The following AFAP1L2 variants were observed in gnomAD, a reference collection of about 807,000 sequenced individuals.
AFAP1L2 encodes the protein actin filament associated protein 1 like 2, also known as actin filament-associated protein 1-like 2.
In AFAP1L2, 46 loss-of-function variants were observed where a neutral mutation model predicts 99.3. That is an observed-to-expected ratio of 0.46 (90% CI 0.37 to 0.59). The LOEUF (loss-of-function observed/expected upper bound fraction) is 0.59, where lower values mean the gene tolerates loss of function less well. Among genes scored for constraint, AFAP1L2 ranks in the 20% least tolerant of loss-of-function variants. The pLI is 0.00. For missense variants in AFAP1L2, 959 were observed against 1,034.9 expected (o/e 0.93, Z 1.01); for synonymous variants, 397 against 419.1 (o/e 0.95, Z 0.64).
chr10:114,352,506 G>C (rs962957647), intron 1 of AFAP1L2, among the ~76,000 whole-genome samples: 1 of 43,810 alleles, frequency 2.3e-5, no homozygotes, highest in Non-Finnish European at 5.4e-5. Flanking sequence ...AAAAGCAACC[G>C]GAGATGTCCT....
At chr10:114,386,558 T>TC (rs146667658) in intron 1 of AFAP1L2, among the ~76,000 whole-genome samples, 1,579 of 152,228 alleles carry the variant, frequency 0.01, 27 homozygotes, top group African/African-American at 0.036. Context: ...TGGGGGCTCT[T>TC]CCCCCGGCAG....
At position 114,300,555 on chromosome 10, in the gene AFAP1L2, G is replaced by C. The variant is rs977002229; in HGVS notation, c.1678C>G (p.Pro560Ala). 1.2e-6 allele frequency: 2 copies of C among 1,614,050 alleles called. No individual in the cohort carries two copies. Among genetic ancestry groups the C allele is most frequent in the Non-Finnish European group, 1.7e-6 (2 of 1,180,014 alleles). The change falls in exon 14 of 19, where the codon CCG becomes GCG. Residue 560 changes from proline to alanine, a missense_variant. Physicochemically the swap from Pro to Ala is conservative, Grantham distance 27 (BLOSUM62 -1). Around this residue, in one of 2 missense-constraint regions of AFAP1L2, gnomAD observed 576 missense variants for 562.1 expected, o/e 1.02. Transcript: ENST00000304129. ...PSSAQAQASS[P>A]TLSCLDNATE... ...GCATTGTCCAGGCAGGACAACGTCG[G>C]GGAGGAGGCCTGGGCCTGTGCACTG...
Position 114,324,180 on chromosome 10 carries a change from T to C in AFAP1L2, c.316-919A>G, listed in dbSNP as rs114412198. On this transcript the variant is annotated intron_variant, in intron 4 of 18. Transcript: ENST00000304129. ...ATGGGGGAGAAAAAGAGGTAATTTG[T>C]TGCATTACTATTATGACAGACAGGT... Among the ~76,000 whole-genome samples the C allele has an allele frequency of 3.2e-3, 485 of 152,370 alleles. 1 individual carries two copies. Among genetic ancestry groups the C allele is most frequent in the African/African-American group, 0.011 (470 of 41,584 alleles).
chr10:114,323,020 T>C (rs148444690), intron 5 of AFAP1L2, 151 bp downstream of exon 5: 1 of 699,116 alleles, frequency 1.4e-6, no homozygotes, highest in African/African-American at 1.8e-5. Flanking sequence ...CAGTTCTCAA[T>C]TTGGACCATG....
At chr10:114,318,100 G>A (rs1420960986) in intron 5 of AFAP1L2, among the ~76,000 whole-genome samples, 1 of 152,216 alleles carries the variant, frequency 6.6e-6, no homozygotes. Flanking sequence ...AGCACTGCAA[G>A]CAACATAGAA....
intron 1 of AFAP1L2, chr10:114,363,153 C>A: frequency 1.0e-6 from 1 of 985,400 alleles, no homozygotes; most frequent in African/African-American, 1.7e-5. Context: ...ACATAAGCAG[C>A]AAACTGGGGA....
At chr10:114,403,924 G>A (rs779363118) in intron 1 of AFAP1L2, among the ~76,000 whole-genome samples, 27 of 152,332 alleles carry the variant, frequency 1.8e-4, no homozygotes, top group Non-Finnish European at 3.5e-4. Flanking sequence ...CAGGACGTTT[G>A]GGGAGGCCCC....
At chr10:114,388,080 T>C (rs2056724693) in intron 1 of AFAP1L2, among the ~76,000 whole-genome samples, 1 of 152,204 alleles carries the variant, frequency 6.6e-6, no homozygotes, top group South Asian at 2.1e-4. Flanking sequence ...TTTTAGGATA[T>C]GCTCAAATTT....
At chr10:114,303,071 G>A (rs1302204484) in intron 11 of AFAP1L2, among the ~76,000 whole-genome samples, 2 of 151,614 alleles carry the variant, frequency 1.3e-5, no homozygotes, top group African/African-American at 4.8e-5. Context: ...TTTTTCCAGG[G>A]GACAATGCAT....
intron 17 of AFAP1L2, 30 bp from the exon 18 acceptor site, chr10:114,297,130 A>C (rs1001595417): frequency 1.1e-5 from 17 of 1,612,680 alleles, no homozygotes; most frequent in African/African-American, 2.7e-5. Context: ...GCAAGGGCTG[A>C]GTCAAGGGGA....
chr10:114,359,456 G>A (rs1337225996), intron 1 of AFAP1L2, among the ~76,000 whole-genome samples: 1 of 152,190 alleles, frequency 6.6e-6, no homozygotes, highest in Non-Finnish European at 1.5e-5. Context: ...TGCGAAGGAG[G>A]CTGAAGGAAC....
chr10:114,369,377 C>T (rs974196258), intron 1 of AFAP1L2, among the ~76,000 whole-genome samples: 5 of 152,070 alleles, frequency 3.3e-5, no homozygotes, highest in Admixed American at 2.0e-4. Context: ...GGGCGGATCA[C>T]GAGGTCAGGA....
chr10:114,335,093 T>C (rs2047736158), intron 2 of AFAP1L2, among the ~76,000 whole-genome samples: 1 of 152,126 alleles, frequency 6.6e-6, no homozygotes, highest in Non-Finnish European at 1.5e-5. Context: ...CATCAACATA[T>C]ATAACAGCAA....
chr10:114,391,576 A>G (rs1388279802), intron 1 of AFAP1L2, among the ~76,000 whole-genome samples: 3 of 152,206 alleles, frequency 2.0e-5, no homozygotes, highest in Non-Finnish European at 4.4e-5. Context: ...TGCTGTGAAC[A>G]CCAAAAATAC....
intron 1 of AFAP1L2, among the ~76,000 whole-genome samples, chr10:114,362,678 G>A (rs2052605844): frequency 6.6e-6 from 1 of 152,112 alleles, no homozygotes; most frequent in African/African-American, 2.4e-5. Flanking sequence ...CATTTGTTAT[G>A]GTAGCCCCGG....
intron 4 of AFAP1L2, among the ~76,000 whole-genome samples, chr10:114,329,654 G>A (rs980102691): frequency 6.6e-6 from 1 of 152,224 alleles, no homozygotes. Context: ...AAAGCCATCA[G>A]CCAATGGATG....
intron 12 of AFAP1L2, 194 bp downstream of exon 12, chr10:114,302,145 C>T (rs2041307149): frequency 1.2e-6 from 1 of 819,010 alleles, no homozygotes; most frequent in African/African-American, 1.7e-5. Flanking sequence ...TGGCTCGGCT[C>T]CTTGCTCTTA....
downstream of AFAP1L2, chr10:114,290,357 G>A: frequency 6.4e-7 from 1 of 1,550,530 alleles, no homozygotes; most frequent in Non-Finnish European, 8.7e-7. Flanking sequence ...GGCCCCCACT[G>A]CGAGAACCGT....
Position 114,377,698 on chromosome 10 carries a change from C to T in AFAP1L2, c.16+26742G>A, listed in dbSNP as rs374898414. On this transcript the variant is annotated intron_variant, in intron 1 of 18. Transcript: ENST00000304129. This position sits in a 1 kb window ranked among gnomAD's most constrained non-coding sequence, Gnocchi z 4.0. ...TCATACTTCAAGATACAAAAATGAG[C>T]AAGATGCATTTCTGCCCTCAAATGC... Among the ~76,000 whole-genome samples, 1 of 152,148 alleles carries T rather than the reference C, an allele frequency of 6.6e-6. No individual in the cohort carries two copies. Among genetic ancestry groups the T allele is most frequent in the African/African-American group, 2.4e-5 (1 of 41,432 alleles).
Sources: gnomAD v4.1 joint callset for allele counts (sites outside exome capture counted in the v4.1 genomes callset) on GRCh38, gnomAD v4.1.1 for gene constraint, gnomAD v4.1.1 regional missense constraint, Gnocchi (gnomAD v3.1) non-coding constraint, MANE v1.5 for transcripts, NCBI Gene and HGNC (gene_info 2026-07-23, HGNC 2026-07-21) for gene names.